The following TMED3 variants were observed in gnomAD, a reference collection of about 807,000 sequenced individuals.
TMED3 encodes the protein transmembrane p24 trafficking protein 3.
TMED3 carries 9 observed loss-of-function variants against 15.0 expected under a neutral mutation model. That is an observed-to-expected ratio of 0.60 (90% CI 0.36 to 1.04). TMED3 has a LOEUF of 1.04. Ranked by LOEUF, TMED3 falls within the 50% of genes least tolerant of loss-of-function variation. The pLI, the probability that TMED3 is intolerant of heterozygous loss-of-function variation, is 0.01. For synonymous variants in TMED3, 117 were observed against 121.4 expected, an observed-to-expected ratio of 0.96 and a Z score of 0.24; for missense variants, 267 against 278.9, an observed-to-expected ratio of 0.96 and a Z score of 0.30.
chr15:79,396,539 G>A (rs1388860497), intron 2 of TMED3, among the ~76,000 whole-genome samples: 1 of 152,222 alleles, frequency 6.6e-6, no homozygotes, highest in African/African-American at 2.4e-5. Flanking sequence ...TAATCTCAGG[G>A]TAGTTGGACT....
Position 79,322,428 on chromosome 15 carries a change from T to G in TMED3, c.*214T>G. ...AGAAGGCATCCGACTGCATTAAGTG[T>G]GCAGCGCTGAAAAGACATTTACAAC... On this transcript the variant is annotated 3_prime_UTR_variant, in exon 3 of 3. Transcript: ENST00000299705. 4 of 1,398,840 alleles carry G rather than the reference T, an allele frequency of 2.9e-6. No homozygotes were observed. Among genetic ancestry groups the G allele is most frequent in the Non-Finnish European group, 3.7e-6 (4 of 1,079,550 alleles). The allele number at this position is 1,398,840 out of a possible 1,614,324, so 86.7% of individuals were successfully genotyped here.
chr15:79,382,236 G>A (rs1346878658), intron 2 of TMED3, among the ~76,000 whole-genome samples: 1 of 152,142 alleles, frequency 6.6e-6, no homozygotes, highest in Non-Finnish European at 1.5e-5. Context: ...GCAGGTCATG[G>A]GTTCATGGTA....
intron 2 of TMED3, among the ~76,000 whole-genome samples, chr15:79,366,340 A>G (rs1160434120): frequency 1.3e-5 from 2 of 152,118 alleles, no homozygotes; most frequent in African/African-American, 4.8e-5. Flanking sequence ...TTGCAACATT[A>G]TTTTTATATG....
chr15:79,380,594 T>G (rs367807918), intron 2 of TMED3, among the ~76,000 whole-genome samples: 27,369 of 139,968 alleles, frequency 0.2, 3,013 homozygotes, highest in South Asian at 0.25. Flanking sequence ...TATATATATA[T>G]ATATATAGAG....
chr15:79,408,260 G>A (rs1893927512), intron 2 of TMED3, among the ~76,000 whole-genome samples: 1 of 152,180 alleles, frequency 6.6e-6, no homozygotes, highest in Admixed American at 6.5e-5. Context: ...GCCCTGCTTA[G>A]AGGGCTGGAA....
At chr15:79,391,305 T>A (rs556799844) in intron 2 of TMED3, among the ~76,000 whole-genome samples, 52 of 152,196 alleles carry the variant, frequency 3.4e-4, no homozygotes, top group Non-Finnish European at 6.3e-4. Flanking sequence ...TTTTTCAATT[T>A]CCATCTTGAT....
At chr15:79,375,996 C>G (rs1180003342) in intron 2 of TMED3, among the ~76,000 whole-genome samples, 1 of 151,806 alleles carries the variant, frequency 6.6e-6, no homozygotes, top group African/African-American at 2.4e-5. Context: ...ATTATTTAAC[C>G]TAGCGATTTA....
chr15:79,318,605 G>A (rs2058750906), intron 2 of TMED3, among the ~76,000 whole-genome samples: 1 of 152,214 alleles, frequency 6.6e-6, no homozygotes, highest in African/African-American at 2.4e-5. Flanking sequence ...GGGAGCACTA[G>A]GGAGGCTTCT....
chr15:79,312,305 A>G (rs1156914341), intron 1 of TMED3, among the ~76,000 whole-genome samples: 2 of 152,258 alleles, frequency 1.3e-5, no homozygotes, highest in Admixed American at 1.3e-4. Flanking sequence ...TGGTAGTCTC[A>G]GTCACTGATT....
At chr15:79,365,428 T>A (rs1257053817) in intron 2 of TMED3, among the ~76,000 whole-genome samples, 1 of 152,192 alleles carries the variant, frequency 6.6e-6, no homozygotes, top group Non-Finnish European at 1.5e-5. Context: ...CAGGTCTCAA[T>A]TAATTCAAAA....
chr15:79,367,137 G>A (rs1893251295), intron 2 of TMED3, among the ~76,000 whole-genome samples: 3 of 152,142 alleles, frequency 2.0e-5, no homozygotes, highest in Non-Finnish European at 1.5e-5. Flanking sequence ...GGATTTAGGT[G>A]GAGACCTAAA....
intron 2 of TMED3, among the ~76,000 whole-genome samples, chr15:79,342,048 AAAC>A (rs1165878832): frequency 2.0e-5 from 3 of 152,230 alleles, no homozygotes; most frequent in Admixed American, 6.5e-5. Flanking sequence ...AAAAACTAAA[AAAC>A]GTGGATGGGG....
At chr15:79,398,312 G>A (rs1399155837) in intron 2 of TMED3, among the ~76,000 whole-genome samples, 8 of 151,950 alleles carry the variant, frequency 5.3e-5, no homozygotes, top group Admixed American at 3.9e-4. Context: ...TTATTTTATT[G>A]TATTTATTTT....
chr15:79,411,917 T>C (rs1893986512), exon 3 of TMED3: 2 of 176,160 alleles, frequency 1.1e-5, no homozygotes, highest in Non-Finnish European at 1.2e-5. Flanking sequence ...TTCTTCAGGG[T>C]GGTCTTGCCT....
At chr15:79,323,075 T>C (rs1345902569), downstream of TMED3, among the ~76,000 whole-genome samples, 1 of 152,256 alleles carries the variant, frequency 6.6e-6, no homozygotes, top group Non-Finnish European at 1.5e-5. Context: ...TTGCAAATGC[T>C]GTTTCCTCTG....
intron 2 of TMED3, among the ~76,000 whole-genome samples, chr15:79,392,354 C>T (rs1893707772): frequency 6.6e-6 from 1 of 152,110 alleles, no homozygotes; most frequent in African/African-American, 2.4e-5. Context: ...ATCTTTCCTT[C>T]ATATATGATG....
At chr15:79,344,333 A>G (rs2058861211) in intron 2 of TMED3, among the ~76,000 whole-genome samples, 1 of 152,228 alleles carries the variant, frequency 6.6e-6, no homozygotes, top group South Asian at 2.1e-4. Flanking sequence ...GCTTAAAACA[A>G]CATAATTTTT....
intron 2 of TMED3, among the ~76,000 whole-genome samples, chr15:79,380,600 T>TATAG (rs1179065508): frequency 1.0e-4 from 15 of 146,572 alleles, no homozygotes; most frequent in African/African-American, 2.8e-4. Context: ...TATATATATA[T>TATAG]AGAGAGAGAG....
intron 2 of TMED3, among the ~76,000 whole-genome samples, chr15:79,357,887 G>A (rs1264720955): frequency 6.6e-6 from 1 of 152,176 alleles, no homozygotes; most frequent in African/African-American, 2.4e-5. Context: ...GTCCCTGCAT[G>A]CCATCATACC....
Sources: allele counts gnomAD v4.1 joint callset (sites outside exome capture counted in the v4.1 genomes callset), GRCh38; gene constraint gnomAD v4.1.1; transcripts MANE v1.5; gene names NCBI Gene and HGNC (gene_info 2026-07-23, HGNC 2026-07-21).